The following MANBA variants were observed in gnomAD, a reference collection of about 807,000 sequenced individuals.
MANBA encodes beta-mannosidase.
A neutral mutation model predicts 111.1 loss-of-function variants in MANBA; 83 were observed. That is an observed-to-expected ratio of 0.75 (90% CI 0.63 to 0.90). The LOEUF is 0.90. Among genes scored for constraint, MANBA ranks in the 40% least tolerant of loss-of-function variants. The probability of loss-of-function intolerance (pLI) is 0.00; values close to 1 mark genes in which losing one functional copy is unlikely to be tolerated. For missense variants in MANBA, 1,036 were observed against 1,069.0 expected, an observed-to-expected ratio of 0.97 and a Z score of 0.43; for synonymous variants, 370 against 378.7, an observed-to-expected ratio of 0.98 and a Z score of 0.27.
At chr4:102,659,065 A>G (rs1435253794) in intron 11 of MANBA, 1 of 152,208 alleles carries the variant, frequency 6.6e-6, no homozygotes, top group African/African-American at 2.4e-5. Flanking sequence ...AAAGAGAGAG[A>G]GAGAGAAAGA....
intron 5 of MANBA, among the ~76,000 whole-genome samples, chr4:102,711,635 A>G (rs1229599498): frequency 6.6e-6 from 1 of 152,208 alleles, no homozygotes; most frequent in African/African-American, 2.4e-5. Context: ...AGAAATCAGT[A>G]TAACAAAAAG....
intron 11 of MANBA, among the ~76,000 whole-genome samples, chr4:102,662,057 C>T (rs1730982389): frequency 6.6e-6 from 1 of 151,940 alleles, no homozygotes; most frequent in South Asian, 2.1e-4. Context: ...ATAAATAAGT[C>T]CCTAAAAAGA....
intron 1 of MANBA, among the ~76,000 whole-genome samples, chr4:102,757,790 C>T (rs900096133): frequency 6.6e-6 from 1 of 152,226 alleles, no homozygotes; most frequent in African/African-American, 2.4e-5. Flanking sequence ...ACTCTAAGCT[C>T]AAAGCCTCCA....
intron 1 of MANBA, among the ~76,000 whole-genome samples, chr4:102,747,663 C>T (rs1723637990): frequency 6.6e-6 from 1 of 152,192 alleles, no homozygotes; most frequent in African/African-American, 2.4e-5. Context: ...TACACAGGTA[C>T]AAGAGATCCC....
chr4:102,729,931 C>T, intron 1 of MANBA: 1 of 1,393,598 alleles, frequency 7.2e-7, no homozygotes. Flanking sequence ...ATGTTGGGGT[C>T]CACCTCCAGG....
At position 102,714,486 on chromosome 4, in the gene MANBA, C is replaced by T. The variant is rs894569785; in HGVS notation, c.625G>A (p.Ala209Thr). 3.1e-6 allele frequency: 5 copies of T among 1,604,248 alleles called. No individual in the cohort carries two copies. Among genetic ancestry groups the T allele is most frequent in the African/African-American group, 1.3e-5 (1 of 74,668 alleles). ...TAGTTCAGGTGACAAATATTATAGG[C>T]TTCAATTCTAACATCTTTCCAGATT... is the stretch of plus-strand genomic sequence containing the variant. ...QGIWKDVRIE[A>T]YNICHLNYFT... The change falls in exon 5 of 17, where the codon GCC becomes ACC. Residue 209 changes from alanine (A) to threonine (T), a missense_variant. Ala to Thr is a moderately conservative substitution (Grantham distance 58). Transcript: ENST00000647097.
intron 5 of MANBA, among the ~76,000 whole-genome samples, chr4:102,713,053 T>C (rs1053643402): frequency 2.6e-5 from 4 of 152,204 alleles, no homozygotes; most frequent in Non-Finnish European, 5.9e-5. Flanking sequence ...CTTTTTAAAG[T>C]TTAAAAATAC....
chr4:102,640,587 G>A (rs1386993514), intron 13 of MANBA, among the ~76,000 whole-genome samples: 1 of 152,182 alleles, frequency 6.6e-6, no homozygotes, highest in Admixed American at 6.5e-5. Context: ...CTCTTAGCCT[G>A]GAGTTGTGCT....
In MANBA at chr4:102,740,170, C is replaced by CT. The variant is rs550596997; in HGVS notation, c.178-13488_178-13487insA. 1.1e-3 allele frequency among the ~76,000 whole-genome samples: 166 copies of CT among 152,212 alleles called. 2 individuals carry two copies. The highest frequency in any genetic ancestry group is 3.9e-3 in the African/African-American group (162 of 41,526). On this transcript the variant is annotated intron_variant, in intron 1 of 16. Coordinates refer to ENST00000647097, the MANE Select transcript of MANBA (RefSeq NM_005908.4). ...ACAGCGACCAAGCTGATAATCAAAT[C>CT]AAGAACTCAACCCCTTTTACAATAG...
At chr4:102,648,696 C>T (rs1730204080) in intron 13 of MANBA, among the ~76,000 whole-genome samples, 1 of 152,060 alleles carries the variant, frequency 6.6e-6, no homozygotes, top group Non-Finnish European at 1.5e-5. Flanking sequence ...TAACTGTACC[C>T]TTAAGATGTG....
chr4:102,711,759 C>T (rs1019286236), intron 5 of MANBA, among the ~76,000 whole-genome samples: 7 of 152,140 alleles, frequency 4.6e-5, no homozygotes, highest in Admixed American at 3.9e-4. Flanking sequence ...ATGTCTTCCA[C>T]AGCAACATGG....
At chr4:102,722,578 A>G (rs1486850304) in intron 4 of MANBA, 11 of 371,332 alleles carry the variant, frequency 3.0e-5, no homozygotes, top group Non-Finnish European at 4.6e-5. Flanking sequence ...ATAAACTTAA[A>G]TGTTAAAAAA....
At chr4:102,657,616 G>T in intron 12 of MANBA, 66 bp downstream of exon 12, 2 of 1,263,720 alleles carry the variant, frequency 1.6e-6, no homozygotes, top group Admixed American at 1.7e-5. Flanking sequence ...CTGAACCAGT[G>T]ATCAGAATAA....
intron 9 of MANBA, among the ~76,000 whole-genome samples, chr4:102,669,969 G>C (rs1731418226): frequency 6.6e-6 from 1 of 151,520 alleles, no homozygotes; most frequent in Admixed American, 6.6e-5. Context: ...GACAGAGCAA[G>C]ACTCCGTCTC....
intron 1 of MANBA, chr4:102,728,534 G>A: frequency 2.6e-6 from 1 of 378,564 alleles, no homozygotes; most frequent in Non-Finnish European, 5.0e-6. Context: ...GGCAGAGCTA[G>A]CAGAGGTTTT....
intron 1 of MANBA, chr4:102,730,834 C>A: frequency 2.5e-6 from 1 of 394,736 alleles, no homozygotes; most frequent in South Asian, 2.0e-5. Flanking sequence ...CTATCTTGTT[C>A]TTCCTTGCGC....
chr4:102,697,566 T>G (rs1434674631), intron 5 of MANBA, among the ~76,000 whole-genome samples: 6 of 139,696 alleles, frequency 4.3e-5, no homozygotes, highest in Non-Finnish European at 7.6e-5. Context: ...GTCCATGTGT[T>G]CTCATTGTTC....
chr4:102,689,998 T>C (rs1732403219), intron 6 of MANBA, among the ~76,000 whole-genome samples: 1 of 152,138 alleles, frequency 6.6e-6, no homozygotes, highest in Non-Finnish European at 1.5e-5. Context: ...ACACTTAAAA[T>C]GGGACTCTGA....
chr4:102,722,841 T>C (rs370683832), intron 4 of MANBA, 30 bp downstream of exon 4: 14 of 1,608,650 alleles, frequency 8.7e-6, no homozygotes, highest in East Asian at 2.2e-5. Context: ...TCCTCAAAAA[T>C]AAAACCCGAC....
Sources: allele counts gnomAD v4.1 joint callset (sites outside exome capture counted in the v4.1 genomes callset), GRCh38; gene constraint gnomAD v4.1.1; transcripts MANE v1.5; gene names NCBI Gene and HGNC (gene_info 2026-07-23, HGNC 2026-07-21).